The following HSD17B2 variants were observed in gnomAD, a reference collection of about 807,000 sequenced individuals.
HSD17B2 encodes the protein hydroxysteroid 17-beta dehydrogenase 2, also known as 17-beta-hydroxysteroid dehydrogenase type 2.
In HSD17B2, 32 loss-of-function variants were observed where a neutral mutation model predicts 26.9. That is an observed-to-expected ratio of 1.19 (90% CI 0.90 to 1.60). The LOEUF is 1.60. HSD17B2 is among the 40% of genes most tolerant of loss of function. HSD17B2 has a pLI of 0.00. For missense variants in HSD17B2, 613 were observed against 468.6 expected (o/e 1.31, Z -2.85); for synonymous variants, 246 against 186.7 (o/e 1.32, Z -2.59).
intron 2 of HSD17B2, among the ~76,000 whole-genome samples, chr16:82,070,442 C>T (rs1287941707): frequency 6.6e-6 from 1 of 152,232 alleles, no homozygotes; most frequent in African/African-American, 2.4e-5. Flanking sequence ...CCATTACTTT[C>T]CAGAGACTCA....
intron 1 of HSD17B2, among the ~76,000 whole-genome samples, chr16:82,067,446 C>G (rs1914598137): frequency 6.6e-6 from 1 of 152,232 alleles, no homozygotes; most frequent in East Asian, 1.9e-4. Flanking sequence ...CTAATACCCT[C>G]TTGGCTGGGT....
chr16:82,059,802 T>C (rs8191105), intron 1 of HSD17B2, among the ~76,000 whole-genome samples: 3,765 of 152,272 alleles, frequency 0.025, 155 homozygotes, highest in African/African-American at 0.084. Flanking sequence ...TGTGTAGCTT[T>C]GGGCAAGTGT....
At chr16:82,064,588 G>C (rs986693931) in intron 1 of HSD17B2, among the ~76,000 whole-genome samples, 1 of 152,190 alleles carries the variant, frequency 6.6e-6, no homozygotes, top group African/African-American at 2.4e-5. Context: ...GTTTTCCAAA[G>C]CAAAGATAAC....
chr16:82,091,886 G>C (rs1250037496), intron 4 of HSD17B2: 1 of 152,198 alleles, frequency 6.6e-6, no homozygotes, highest in Non-Finnish European at 1.5e-5. Flanking sequence ...TCAGCAAGCA[G>C]AGGCCACACT....
chr16:82,080,205 G>C (rs1046562060), intron 3 of HSD17B2, among the ~76,000 whole-genome samples: 1 of 152,198 alleles, frequency 6.6e-6, no homozygotes. Flanking sequence ...GCTGGTCTGG[G>C]AGGCAGAATA....
At chr16:82,046,228 G>C (rs961045941) in intron 1 of HSD17B2, among the ~76,000 whole-genome samples, 1 of 152,016 alleles carries the variant, frequency 6.6e-6, no homozygotes, top group Admixed American at 6.6e-5. Flanking sequence ...TAATTCTAGC[G>C]GAGGAAGACA....
intron 4 of HSD17B2, chr16:82,096,665 A>G (rs1050591804): frequency 7.2e-5 from 11 of 152,142 alleles, no homozygotes; most frequent in Non-Finnish European, 1.2e-4. Context: ...TATATATGTA[A>G]TAGTCACCAA....
rs370464397 is a variant in HSD17B2 at position 82,068,385 on chromosome 16, A to C, written c.478+3A>C. ...TGCAGCAATGCTGCAGGACAGAGGTACTGCCGCCAGCACCCTCAGTGCCTT... is the reference window on the plus strand; with the variant it reads ...TGCAGCAATGCTGCAGGACAGAGGTCCTGCCGCCAGCACCCTCAGTGCCTT... On this transcript the variant is annotated splice_donor_region_variant and intron_variant, in intron 2 of 4. Transcript: ENST00000199936. The C allele has an allele frequency of 1.2e-6, 2 of 1,606,286 alleles. No homozygotes were observed. The highest frequency in any genetic ancestry group is 1.7e-6 in the Non-Finnish European group (2 of 1,176,138).
chr16:82,066,419 C>T (rs537459155), intron 1 of HSD17B2, among the ~76,000 whole-genome samples: 3 of 152,290 alleles, frequency 2.0e-5, no homozygotes, highest in South Asian at 2.1e-4. Flanking sequence ...TGGCAGTGTT[C>T]GCACATGCCA....
At chr16:82,039,521 C>G (rs1913713387) in intron 1 of HSD17B2, among the ~76,000 whole-genome samples, 1 of 152,062 alleles carries the variant, frequency 6.6e-6, no homozygotes, top group African/African-American at 2.4e-5. Flanking sequence ...CAGTATGTGC[C>G]ATGCATTTTC....
At chr16:82,094,495 G>A (rs72563162) in intron 4 of HSD17B2, 2 of 152,128 alleles carry the variant, frequency 1.3e-5, no homozygotes, top group African/African-American at 2.4e-5. Flanking sequence ...ACACCGTGAT[G>A]GTGGAAAATT....
intron 1 of HSD17B2, among the ~76,000 whole-genome samples, chr16:82,039,353 G>A (rs1459632485): frequency 6.9e-6 from 1 of 145,804 alleles, no homozygotes; most frequent in Non-Finnish European, 1.5e-5. Context: ...GAGAGAGAGG[G>A]AGAGAGAGAG....
chr16:82,089,556 C>T (rs796359553), intron 3 of HSD17B2, among the ~76,000 whole-genome samples: 16 of 152,300 alleles, frequency 1.1e-4, no homozygotes, highest in African/African-American at 3.6e-4. Flanking sequence ...GCTGCTGTCA[C>T]AAATCACCAC....
intron 1 of HSD17B2, among the ~76,000 whole-genome samples, chr16:82,050,932 T>C (rs1597122846): frequency 1.3e-5 from 2 of 152,338 alleles, no homozygotes; most frequent in East Asian, 3.9e-4. Context: ...GATGACACAA[T>C]AATCTGCTCC....
At chr16:82,095,126 G>T (rs1303497453) in intron 4 of HSD17B2, 1 of 152,172 alleles carries the variant, frequency 6.6e-6, no homozygotes, top group Non-Finnish European at 1.5e-5. Flanking sequence ...CCACAAGAGT[G>T]GCCAGAAATT....
intron 4 of HSD17B2, chr16:82,097,285 T>A (rs1423215606): frequency 6.6e-6 from 1 of 151,654 alleles, no homozygotes; most frequent in Non-Finnish European, 1.5e-5. Flanking sequence ...TGTATGTGTG[T>A]GTGTGTGTAT....
intron 1 of HSD17B2, among the ~76,000 whole-genome samples, chr16:82,040,373 T>C (rs773178581): frequency 2.6e-5 from 4 of 152,204 alleles, no homozygotes; most frequent in Non-Finnish European, 5.9e-5. Context: ...TGCTCTAACC[T>C]TTACATGCAT....
chr16:82,078,299 G>C (rs1567589641), intron 3 of HSD17B2, among the ~76,000 whole-genome samples: 1 of 152,148 alleles, frequency 6.6e-6, no homozygotes. Flanking sequence ...CAATATCATT[G>C]ATCATCAGAG....
At position 82,049,624 on chromosome 16, in the gene HSD17B2, G is replaced by A. The variant is rs147140685; in HGVS notation, c.265+13935G>A. 2.3e-3 allele frequency among the ~76,000 whole-genome samples: 346 copies of A among 152,336 alleles called. 2 individuals carry two copies. The highest frequency in any genetic ancestry group is 7.8e-3 in the African/African-American group (326 of 41,576). On this transcript the variant is annotated intron_variant, in intron 1 of 4. Transcript: ENST00000199936. Reference sequence around the variant, plus strand: ...CTGGCTCCCAAAGAATGAAAGAGAGGAAACAGCCCTGGGGCTTTATCAGGA... The same window carrying A: ...CTGGCTCCCAAAGAATGAAAGAGAGAAAACAGCCCTGGGGCTTTATCAGGA...
Sources: allele counts gnomAD v4.1 joint callset (sites outside exome capture counted in the v4.1 genomes callset), GRCh38; gene constraint gnomAD v4.1.1; transcripts MANE v1.5; gene names NCBI Gene and HGNC (gene_info 2026-07-23, HGNC 2026-07-21).